DAB1: variants seen among roughly 807,000 people sequenced by gnomAD.
The protein encoded by DAB1 is DAB adaptor protein 1.
Under a neutral mutation model 64.6 loss-of-function variants are expected in DAB1, and 15 were observed. The ratio of observed to expected loss-of-function variants is 0.23; its 90% confidence interval spans 0.16 to 0.36. DAB1 has a LOEUF of 0.36. Among genes scored for constraint, DAB1 ranks in the 10% least tolerant of loss-of-function variants. The pLI is 1.00. For synonymous variants in DAB1, 235 were observed against 251.9 expected (o/e 0.93, Z 0.64); for missense variants, 596 against 706.7 (o/e 0.84, Z 1.78).
intron 3 of DAB1, among the ~76,000 whole-genome samples, chr1:58,379,030 G>T (rs1394863756): frequency 6.6e-6 from 1 of 151,266 alleles, no homozygotes; most frequent in African/African-American, 2.4e-5. Context: ...GCCTCGCCCT[G>T]CTTCGGCTCG....
At chr1:57,512,258 A>G (rs899171092) in intron 7 of DAB1, among the ~76,000 whole-genome samples, 3 of 152,214 alleles carry the variant, frequency 2.0e-5, no homozygotes, top group African/African-American at 7.2e-5. Flanking sequence ...AGAGAGTTTT[A>G]TACAGCTCTC....
At chr1:58,422,235 T>G (rs1644779234) in intron 3 of DAB1, among the ~76,000 whole-genome samples, 1 of 151,910 alleles carries the variant, frequency 6.6e-6, no homozygotes, top group Non-Finnish European at 1.5e-5. Context: ...TCACGAGAAT[T>G]GAATGAAGAA....
intron 5 of DAB1, among the ~76,000 whole-genome samples, chr1:57,897,681 G>C (rs1388527266): frequency 6.6e-6 from 1 of 152,082 alleles, no homozygotes; most frequent in Non-Finnish European, 1.5e-5. Flanking sequence ...ACGCAGCTTG[G>C]GATGACACAA....
At chr1:58,077,132 A>AT (rs1343016261) in intron 5 of DAB1, among the ~76,000 whole-genome samples, 2 of 151,928 alleles carry the variant, frequency 1.3e-5, no homozygotes, top group Non-Finnish European at 2.9e-5. Context: ...AATAATTATA[A>AT]TAAAAAAAAA....
intron 4 of DAB1, among the ~76,000 whole-genome samples, chr1:58,193,167 C>T (rs888046930): frequency 6.6e-6 from 1 of 152,056 alleles, no homozygotes; most frequent in South Asian, 2.1e-4. Flanking sequence ...TAGTGCCCTC[C>T]CTGGGAAGAG....
At chr1:57,796,251 G>T (rs2101866047) in intron 6 of DAB1, among the ~76,000 whole-genome samples, 1 of 152,118 alleles carries the variant, frequency 6.6e-6, no homozygotes, top group South Asian at 2.1e-4. Context: ...ATCCTGGCTG[G>T]GCGCGGTGGC....
At chr1:57,945,927 A>G (rs1242076406) in intron 5 of DAB1, among the ~76,000 whole-genome samples, 1 of 152,222 alleles carries the variant, frequency 6.6e-6, no homozygotes, top group Admixed American at 6.5e-5. Flanking sequence ...TAAATCAGTA[A>G]AACCTGGTTG....
At chr1:57,746,983 C>T (rs1343176735) in intron 6 of DAB1, among the ~76,000 whole-genome samples, 1 of 152,106 alleles carries the variant, frequency 6.6e-6, no homozygotes, top group African/African-American at 2.4e-5. Context: ...ACCAACATCT[C>T]TTATTATACG....
At chr1:57,619,276 T>G (rs1473890595) in intron 7 of DAB1, among the ~76,000 whole-genome samples, 1 of 152,140 alleles carries the variant, frequency 6.6e-6, no homozygotes. Flanking sequence ...GATAGCCCTA[T>G]CAGGTGAGGA....
At chr1:57,635,791 A>G (rs1191060524) in intron 7 of DAB1, among the ~76,000 whole-genome samples, 1 of 148,870 alleles carries the variant, frequency 6.7e-6, no homozygotes, top group East Asian at 1.9e-4. Flanking sequence ...CCGCTGCTCT[A>G]ATCTAATAAA....
chr1:58,442,878 C>T (rs1645027707), intron 3 of DAB1, among the ~76,000 whole-genome samples: 2 of 152,068 alleles, frequency 1.3e-5, no homozygotes, highest in African/African-American at 4.8e-5. Flanking sequence ...GAGTGAGACT[C>T]TGTCTCAGAA....
chr1:57,924,626 A>AT lies in DAB1; in HGVS notation n.388-40465dup, dbSNP rs34750244. Among the ~76,000 whole-genome samples, 828 of 131,746 alleles carry AT rather than the reference A, an allele frequency of 6.3e-3. 11 individuals carry two copies. Among genetic ancestry groups the AT allele is most frequent in the East Asian group, 0.044 (191 of 4,312 alleles). The allele number at this position is 131,746 out of a possible 152,430, so 86.4% of individuals were successfully genotyped here. A position where few individuals can be genotyped will look rare whatever the true frequency, so the allele number is the denominator to read the frequency against. On this transcript the variant is annotated intron_variant and non_coding_transcript_variant, in intron 5 of 20. Transcript: ENST00000485760. ...AGGCACCCACCACCACACTTGGCTA[A>AT]TTTTTTTTTTTTTTTTTTTTTTAGT...
chr1:57,067,266 G>A (rs1056776081), intron 8 of DAB1, among the ~76,000 whole-genome samples: 1 of 152,152 alleles, frequency 6.6e-6, no homozygotes, highest in East Asian at 1.9e-4. Flanking sequence ...TTTAGATAGT[G>A]ACTTGAAAGG....
At chr1:57,882,139 A>C (rs1644153688) in intron 1 of DAB1, among the ~76,000 whole-genome samples, 1 of 152,206 alleles carries the variant, frequency 6.6e-6, no homozygotes, top group Admixed American at 6.5e-5. Context: ...AATGCTGCAC[A>C]GTATGATAGA....
At chr1:57,971,465 G>A (rs552327956) in intron 5 of DAB1, among the ~76,000 whole-genome samples, 1 of 152,314 alleles carries the variant, frequency 6.6e-6, no homozygotes, top group East Asian at 1.9e-4. Context: ...GTAGTGTGAG[G>A]GAAAGGGCCA....
chr1:57,126,311 C>T (rs923481416), intron 4 of DAB1, among the ~76,000 whole-genome samples: 5 of 152,138 alleles, frequency 3.3e-5, no homozygotes, highest in Admixed American at 6.5e-5. Context: ...GTCATTGAAG[C>T]GTTCTGTTGT....
intron 6 of DAB1, among the ~76,000 whole-genome samples, chr1:57,696,938 T>C (rs934207901): frequency 6.6e-6 from 1 of 152,176 alleles, no homozygotes; most frequent in Admixed American, 6.5e-5. Context: ...TTACCAGGTA[T>C]AGACGAGTAG....
At chr1:58,040,280 C>T (rs1045867209) in intron 5 of DAB1, among the ~76,000 whole-genome samples, 4 of 152,168 alleles carry the variant, frequency 2.6e-5, no homozygotes, top group Non-Finnish European at 5.9e-5. Context: ...AATAACATTG[C>T]AATCCTGTTG....
intron 5 of DAB1, among the ~76,000 whole-genome samples, chr1:57,990,444 T>A (rs142861743): frequency 4.6e-5 from 7 of 152,320 alleles, no homozygotes; most frequent in African/African-American, 1.7e-4. Flanking sequence ...CCTTCCCAAT[T>A]TAACTTTAAG....
Sources: allele counts gnomAD v4.1 joint callset (sites outside exome capture counted in the v4.1 genomes callset), GRCh38; gene constraint gnomAD v4.1.1; transcripts MANE v1.5; gene names NCBI Gene and HGNC (gene_info 2026-07-23, HGNC 2026-07-21).